Variants in NLRP12 observed in about 807,000 individuals in gnomAD.
NLRP12 encodes the protein NLR family pyrin domain containing 12, also known as NACHT, LRR and PYD domains-containing protein 12.
In NLRP12, 108 loss-of-function variants were observed where a neutral mutation model predicts 91.2. The ratio of observed to expected loss-of-function variants is 1.18; its 90% confidence interval spans 1.01 to 1.39. The LOEUF (loss-of-function observed/expected upper bound fraction) is 1.39, where lower values mean the gene tolerates loss of function less well. Among genes scored for constraint, NLRP12 ranks in the 40% most tolerant of loss-of-function variants. The pLI is 0.00. For synonymous variants in NLRP12, 613 were observed against 566.7 expected, an observed-to-expected ratio of 1.08 and a Z score of -1.16; for missense variants, 1,530 against 1,352.7, an observed-to-expected ratio of 1.13 and a Z score of -2.06.
In NLRP12 at chr19:53,810,488, C is replaced by G. The variant is rs199512582; in HGVS notation, c.1171G>C (p.Val391Leu). 2.5e-6 allele frequency: 4 copies of G among 1,614,092 alleles called. No individual in the cohort carries two copies. The highest frequency in any genetic ancestry group is 4.5e-5 in the East Asian group (2 of 44,884). ...GTGAAGAGAGGCTCGTTGTCCCTCA[C>G]GTAATTGAAGACTTGGCCCGCCTGC... ...AEQAGQVFNY[V>L]RDNEPLFTMC... is the part of the protein sequence containing the mutation. Residue 391 changes from valine to leucine, a missense_variant, in exon 3 of 10, where the codon GTG (valine) becomes CTG (leucine). By Grantham distance (32) the Val-to-Leu change is conservative. Transcript: ENST00000324134.
At chr19:53,820,881 T>A (rs954537411) in intron 1 of NLRP12, among the ~76,000 whole-genome samples, 1 of 151,640 alleles carries the variant, frequency 6.6e-6, no homozygotes, top group East Asian at 2.0e-4. Context: ...AAAATATTTT[T>A]AAAAAAACAA....
At chr19:53,796,063 C>G in intron 8 of NLRP12, 34 bp from the exon 9 acceptor site, 1 of 1,601,674 alleles carries the variant, frequency 6.2e-7, no homozygotes, top group South Asian at 1.1e-5. Flanking sequence ...AAGGTAACAC[C>G]AGGGGCTACT....
In NLRP12 at chr19:53,809,864, C is replaced by A. The variant is rs1180717649; in HGVS notation, c.1795G>T (p.Ala599Ser). Residue 599 changes from alanine (A) to serine (S), a missense_variant, in exon 3 of 10, where the codon GCT (alanine) becomes TCT (serine). By Grantham distance (99) the Ala-to-Ser change is moderately conservative. Transcript: ENST00000324134. Reference sequence around the variant, plus strand: ...TGCAGGGTGGAGCCGTCGCTCTGAGCTTTGCTTTGGATCCACTGCAACAGG... The same window carrying A: ...TGCAGGGTGGAGCCGTCGCTCTGAGATTTGCTTTGGATCCACTGCAACAGG... ...MDLLQWIQSK[A>S]QSDGSTLQQG... 1 of 1,614,134 alleles carries A rather than the reference C, an allele frequency of 6.2e-7. No individual in the cohort carries two copies. Among genetic ancestry groups the A allele is most frequent in the Non-Finnish European group, 8.5e-7 (1 of 1,180,044 alleles).
chr19:53,811,577 A>G (rs2092078078), intron 2 of NLRP12, among the ~76,000 whole-genome samples: 1 of 151,366 alleles, frequency 6.6e-6, no homozygotes, highest in Non-Finnish European at 1.5e-5. Context: ...AAGACTGGCT[A>G]ATTTTTTTTT....
intron 1 of NLRP12, among the ~76,000 whole-genome samples, chr19:53,820,862 T>TA (rs1345141757): frequency 1.3e-5 from 2 of 151,166 alleles, no homozygotes; most frequent in Non-Finnish European, 2.9e-5. Context: ...TAATTTTTTG[T>TA]AAAAAATAAA....
chr19:53,807,652 C>T lies in NLRP12; in HGVS notation c.2086G>A (p.Val696Ile), dbSNP rs568227595. Residue 696 changes from valine (V) to isoleucine (I), a missense_variant, in exon 4 of 10, where the codon GTT (valine) becomes ATT (isoleucine). Transcript: ENST00000324134. ...TGTTCACTGTAGGCGTCCAGCAGAA[C>T]GGTCCTCTCTGGTCTGCTTGAAGGA... ...TLLVQLPERTVLLDAYSEHLA... is the reference protein window; with the variant it reads ...TLLVQLPERTILLDAYSEHLA... The T allele has an allele frequency of 1.1e-5, 18 of 1,614,004 alleles. No individual in the cohort carries two copies. Among genetic ancestry groups the T allele is most frequent in the African/African-American group, 4.0e-5 (3 of 74,916 alleles).
chr19:53,798,845 G>A (rs771430395), intron 7 of NLRP12, among the ~76,000 whole-genome samples: 28 of 151,932 alleles, frequency 1.8e-4, no homozygotes, highest in Non-Finnish European at 3.8e-4. Context: ...AAGCTCAAGC[G>A]ATTCTCCTGC....
intron 2 of NLRP12, among the ~76,000 whole-genome samples, chr19:53,812,898 T>TG (rs398041074): frequency 3.4e-5 from 5 of 147,474 alleles, no homozygotes; most frequent in Non-Finnish European, 5.9e-5. Context: ...TTTTTTTTTT[T>TG]GAGACAGAGT....
chr19:53,819,568 T>C (rs8103038), intron 1 of NLRP12, among the ~76,000 whole-genome samples: 8,207 of 32,062 alleles, frequency 0.26, 1,862 homozygotes, highest in Non-Finnish European at 0.41. Context: ...TACGTATATA[T>C]ATGCGTATAT....
rs67485804 is a variant in NLRP12 at position 53,794,169 on chromosome 19, T to C, written c.3099-33A>G. 0.06 allele frequency: 82,936 copies of C among 1,383,920 alleles called. 3,478 individuals are homozygous for C. The highest frequency in any genetic ancestry group is 0.16 in the South Asian group (13,737 of 86,166). The allele number at this position is 1,383,920 out of a possible 1,614,324, so 85.7% of individuals were successfully genotyped here. A position where few individuals can be genotyped will look rare whatever the true frequency, so the allele number is the denominator to read the frequency against. ...CACAAGAGTTGATATTATTCCAGTG[T>C]ACTACTGTGGCATTCAATTAATAAG... is the stretch of plus-strand genomic sequence containing the variant. On this transcript the variant is annotated intron_variant, in intron 9 of 9. Transcript: ENST00000324134.
Position 53,805,378 on chromosome 19 carries a change from C to G in NLRP12, c.2316G>C (p.Leu772Phe). 2 of 1,614,080 alleles carry G rather than the reference C, an allele frequency of 1.2e-6. No individual in the cohort carries two copies. Among genetic ancestry groups the G allele is most frequent in the Non-Finnish European group, 1.7e-6 (2 of 1,180,022 alleles). Residue 772 changes from leucine (L) to phenylalanine (F), a missense_variant, in exon 5 of 10, where the codon TTG becomes TTC. By Grantham distance (22) the Leu-to-Phe change is conservative. Transcript: ENST00000324134. ...LSAALIANKNLTRMDLSGNGV... is the reference protein window; with the variant it reads ...LSAALIANKNFTRMDLSGNGV... ...CGTTGCCACTGAGATCCATCCTTGTCAAATTCTTATTGGCTATGAGAGCTG... is the reference window on the plus strand; with the variant it reads ...CGTTGCCACTGAGATCCATCCTTGTGAAATTCTTATTGGCTATGAGAGCTG...
chr19:53,810,764 G>C lies in NLRP12; in HGVS notation c.895C>G (p.Leu299Val). The C allele has an allele frequency of 6.2e-7, 1 of 1,614,010 alleles. No homozygotes were observed. Among genetic ancestry groups the C allele is most frequent in the Non-Finnish European group, 8.5e-7 (1 of 1,179,950 alleles). ...TGAGGATCGTGGAAAGAAGGCTTGA[G>C]CTCATCGAAGCCGTCGATGATGAAA... ...LLFIIDGFDE[L>V]KPSFHDPQGP... The change falls in exon 3 of 10, where the codon CTC (leucine) becomes GTC (valine). Residue 299 changes from leucine to valine, a missense_variant. By Grantham distance (32) the Leu-to-Val change is conservative. Transcript: ENST00000324134.
chr19:53,819,449 A>ATGTGTGTG (rs1489362788), intron 1 of NLRP12, among the ~76,000 whole-genome samples: 12 of 14,064 alleles, frequency 8.5e-4, no homozygotes, highest in African/African-American at 2.0e-3. Flanking sequence ...ATATATATAT[A>ATGTGTGTG]TATATATATG....
rs181371842 is a variant in NLRP12 at position 53,822,991 on chromosome 19, T to C, written c.289+895A>G. ...CTATGTTGGCCAGACTGATCTCGAA[T>C]TCCTGACCTCAGGTGACCCACCCGC... On this transcript the variant is annotated intron_variant, in intron 1 of 9. Transcript: ENST00000324134. Among the ~76,000 whole-genome samples, 157 of 151,436 alleles carry C rather than the reference T, an allele frequency of 1.0e-3. 1 individual carries two copies. The highest frequency in any genetic ancestry group is 3.7e-3 in the African/African-American group (154 of 41,336).
chr19:53,814,868 G>A (rs754233364), intron 2 of NLRP12, 40 bp downstream of exon 2: 10 of 1,538,854 alleles, frequency 6.5e-6, no homozygotes, highest in Middle Eastern at 3.4e-4. Flanking sequence ...CAGCTGCTCT[G>A]TGTAGATGAA....
intron 2 of NLRP12, 23 bp from the exon 3 acceptor site, chr19:53,811,311 T>C (rs1454411759): frequency 4.3e-6 from 7 of 1,613,122 alleles, no homozygotes; most frequent in South Asian, 2.2e-5. Context: ...AATGAAGGTT[T>C]TGTGGAAGAC....
At chr19:53,818,086 ATT>A (rs57766213) in intron 1 of NLRP12, among the ~76,000 whole-genome samples, 4 of 144,392 alleles carry the variant, frequency 2.8e-5, no homozygotes, top group East Asian at 2.1e-4. Context: ...CTGGTTGGCA[ATT>A]TTTTTTTTTT....
At chr19:53,814,679 T>C (rs3848584) in intron 2 of NLRP12, among the ~76,000 whole-genome samples, 18,179 of 152,124 alleles carry the variant, frequency 0.12, 1,128 homozygotes, top group South Asian at 0.21. Context: ...CCCCTGCGTG[T>C]ATGAGATGGT....
rs934460879 is a variant in NLRP12, at chr19:53,794,099, T to C, written c.3136A>G (p.Arg1046Gly). ...GMDLNKMTHSRLAALRVTKPY... is the reference protein window; with the variant it reads ...GMDLNKMTHSGLAALRVTKPY... ...TTTGTTACTCGAAGCGCTGCCAACC[T>C]ACTGTGGGTCATTTTATTCAGGTCC... The change falls in exon 10 of 10, where the codon AGG becomes GGG. Residue 1046 changes from arginine to glycine, a missense_variant. Physicochemically the swap from Arg to Gly is moderately radical, Grantham distance 125 (BLOSUM62 -2). Coordinates refer to ENST00000324134, the MANE Select transcript of NLRP12 (RefSeq NM_144687.4). The C allele has an allele frequency of 2.7e-5, 43 of 1,613,944 alleles. No homozygotes were observed. The highest frequency in any genetic ancestry group is 3.6e-5 in the Non-Finnish European group (42 of 1,179,852).
Sources: gnomAD v4.1 joint callset for allele counts (sites outside exome capture counted in the v4.1 genomes callset) on GRCh38, gnomAD v4.1.1 for gene constraint, MANE v1.5 for transcripts, NCBI Gene and HGNC (gene_info 2026-07-23, HGNC 2026-07-21) for gene names.